The following N4BP2 variants were observed in gnomAD, a reference collection of about 807,000 sequenced individuals.
N4BP2 encodes NEDD4 binding protein 2.
In N4BP2, 91 loss-of-function variants were observed where a neutral mutation model predicts 152.8. The ratio of observed to expected loss-of-function variants is 0.60; its 90% CI spans 0.50 to 0.71. The LOEUF (loss-of-function observed/expected upper bound fraction) is 0.71, where lower values mean the gene tolerates loss of function less well. N4BP2 is among the 30% of genes least tolerant of loss of function. The probability of loss-of-function intolerance (pLI) is 0.00; values close to 1 mark genes in which losing one functional copy is unlikely to be tolerated. For missense variants in N4BP2, 1,923 were observed against 2,059.1 expected (o/e 0.93, Z 1.28); for synonymous variants, 646 against 705.3 (o/e 0.92, Z 1.33).
chr4:40,113,535 CT>C, intron 7 of N4BP2, 27 bp downstream of exon 7: 1 of 1,503,996 alleles, frequency 6.6e-7, no homozygotes, highest in Non-Finnish European at 9.2e-7. Context: ...ACCTAACATG[CT>C]TTTTATGTAA....
intron 1 of N4BP2, among the ~76,000 whole-genome samples, chr4:40,068,134 T>C (rs1711743407): frequency 6.6e-6 from 1 of 152,266 alleles, no homozygotes. Flanking sequence ...GAAACATTTG[T>C]GCAAGTCCTT....
chr4:40,082,110 C>A (rs1395982536), intron 2 of N4BP2, among the ~76,000 whole-genome samples: 1 of 150,916 alleles, frequency 6.6e-6, no homozygotes, highest in Non-Finnish European at 1.5e-5. Flanking sequence ...AACTCCATCT[C>A]AAAAAAAATA....
Position 40,154,765 on chromosome 4 carries a change from A to C in N4BP2, c.*528A>C, listed in dbSNP as rs779638658. On this transcript the variant is annotated 3_prime_UTR_variant, in exon 18 of 18. Coordinates refer to ENST00000261435, the MANE Select transcript of N4BP2 (RefSeq NM_018177.6). ...AAATGCTTTTATTTTGCCATATCCTACAGGAAGGAAGACATGCTTTTGCCC... is the reference window on the plus strand; with the variant it reads ...AAATGCTTTTATTTTGCCATATCCTCCAGGAAGGAAGACATGCTTTTGCCC... The C allele has an allele frequency of 2.0e-5, 3 of 153,144 alleles. No homozygotes were observed. Among genetic ancestry groups the C allele is most frequent in the Non-Finnish European group, 2.9e-5 (2 of 68,796 alleles). The allele number at this position is 153,144 out of a possible 1,614,324, so 9.5% of individuals were successfully genotyped here.
intron 2 of N4BP2, among the ~76,000 whole-genome samples, chr4:40,087,068 T>G (rs1422931844): frequency 6.6e-6 from 1 of 152,194 alleles, no homozygotes; most frequent in Non-Finnish European, 1.5e-5. Context: ...TTTTTGCTAC[T>G]GATTTCTAGT....
chr4:40,095,316 G>A (rs1234300732), intron 2 of N4BP2, among the ~76,000 whole-genome samples: 1 of 152,162 alleles, frequency 6.6e-6, no homozygotes. Flanking sequence ...CCTGACCTCA[G>A]GTGATCCACC....
rs781149055 is a variant in N4BP2 at position 40,120,294 on chromosome 4, G to T, written c.2183G>T (p.Cys728Phe). The change falls in exon 9 of 18, where the codon TGC (cysteine) becomes TTC (phenylalanine). Residue 728 changes from cysteine to phenylalanine, a missense_variant. Physicochemically the swap from Cys to Phe is radical, Grantham distance 205 (BLOSUM62 -2). Transcript: ENST00000261435. ...SSMERVSPST[C>F]CSENNQEDCD... ...ATGGAGAGAGTATCACCTAGTACTT[G>T]CTGTAGTGAAAATAATCAAGAAGAC... is the stretch of plus-strand genomic sequence containing the variant. 6.2e-7 allele frequency: 1 copy of T among 1,612,972 alleles called. No individual in the cohort carries two copies. The highest frequency in any genetic ancestry group is 1.7e-5 in the Admixed American group (1 of 59,618).
At chr4:40,096,635 A>C (rs1472802707) in intron 2 of N4BP2, among the ~76,000 whole-genome samples, 4 of 152,198 alleles carry the variant, frequency 2.6e-5, no homozygotes, top group African/African-American at 9.6e-5. Flanking sequence ...GGTGGAAACC[A>C]AGAGATAGGA....
At chr4:40,072,590 G>A (rs948593897) in intron 1 of N4BP2, among the ~76,000 whole-genome samples, 3 of 151,690 alleles carry the variant, frequency 2.0e-5, no homozygotes, top group South Asian at 2.1e-4. Context: ...GTTTCATCAC[G>A]TTGCCCTGGC....
chr4:40,185,955 C>T, the N4BP2 span, among the ~76,000 whole-genome samples: 3 of 152,192 alleles, frequency 2.0e-5, no homozygotes, highest in Non-Finnish European at 1.5e-5. Context: ...TTTTTGAGCA[C>T]AGACACTGAA....
chr4:40,163,451 T>C, the N4BP2 span, among the ~76,000 whole-genome samples: 1 of 152,216 alleles, frequency 6.6e-6, no homozygotes, highest in African/African-American at 2.4e-5. Context: ...GGCAATGCCA[T>C]TTCCCCTTGC....
chr4:40,073,497 A>G lies in N4BP2; in HGVS notation c.-169A>G, dbSNP rs1221691158. 2.6e-5 allele frequency: 4 copies of G among 152,300 alleles called. No homozygotes were observed. Among genetic ancestry groups the G allele is most frequent in the South Asian group, 4.1e-4 (2 of 4,826 alleles). The allele number at this position is 152,300 out of a possible 1,614,324, so 9.4% of individuals were successfully genotyped here. A position where few individuals can be genotyped will look rare whatever the true frequency, so the allele number is the denominator to read the frequency against. On this transcript the variant is annotated 5_prime_UTR_variant, in exon 2 of 18. Coordinates refer to ENST00000261435, the MANE Select transcript of N4BP2 (RefSeq NM_018177.6). ...TAACAAGAAGAGGTGTAGAGTTTGC[A>G]TATATCAACTGTGGCCTTAATGAGC...
chr4:40,147,329 C>T (rs1200214154), intron 16 of N4BP2, among the ~76,000 whole-genome samples: 2 of 152,250 alleles, frequency 1.3e-5, no homozygotes, highest in East Asian at 1.9e-4. Context: ...ACAGACACAG[C>T]GACCATCCGA....
In N4BP2 at chr4:40,135,179, A is replaced by G. The variant is rs555216998; in HGVS notation, c.4647-1765A>G. On this transcript the variant is annotated intron_variant, in intron 13 of 17. Transcript: ENST00000261435. The stretch of plus-strand genomic sequence containing the variant: ...TGTTCTTATTGTTCAATTCCCACCT[A>G]TGAGTGAGAATATACGGTGTTTGGT... 2.4e-3 allele frequency among the ~76,000 whole-genome samples: 354 copies of G among 144,906 alleles called. 1 individual carries two copies. The highest frequency in any genetic ancestry group is 8.3e-3 in the African/African-American group (326 of 39,252).
In N4BP2 at chr4:40,097,220, AT is replaced by A; in HGVS notation, c.-114-3del. On this transcript the variant is annotated splice_region_variant and splice_polypyrimidine_tract_variant and intron_variant, in intron 2 of 17. Transcript: ENST00000261435. ...GTCTGAGTGTTTTTAATTGCTTTCT[AT>A]TTTAGGTCTTTTTACTGCTGGATTG... 1 of 743,628 alleles carries A rather than the reference AT, an allele frequency of 1.3e-6. No homozygotes were observed. The highest frequency in any genetic ancestry group is 1.8e-5 in the South Asian group (1 of 56,886). 46.1% of individuals were successfully genotyped at this position (743,628 alleles called of 1,614,324 possible). A position where few individuals can be genotyped will look rare whatever the true frequency, so the allele number is the denominator to read the frequency against.
Position 40,120,656 on chromosome 4 carries a change from G to A in N4BP2, c.2545G>A (p.Glu849Lys), listed in dbSNP as rs373204382. 29 of 1,614,038 alleles carry A rather than the reference G, an allele frequency of 1.8e-5. No homozygotes were observed. In the African/African-American group the frequency reaches 3.2e-4, roughly 18 times the overall value. Residue 849 changes from glutamate (E) to lysine (K), a missense_variant, in exon 9 of 18, where the codon GAG becomes AAG. Glu to Lys is a moderately conservative substitution (Grantham distance 56, BLOSUM62 1). Transcript: ENST00000261435. Reference protein sequence around the residue: ...QQRGSPHESVEDGRKSQCDDA... With the variant: ...QQRGSPHESVKDGRKSQCDDA... The stretch of plus-strand genomic sequence containing the variant: ...ACGAGGATCTCCACATGAAAGTGTA[G>A]AGGATGGCAGAAAGTCACAGTGTGA...
chr4:40,097,061 T>C (rs1375934054), intron 2 of N4BP2, among the ~76,000 whole-genome samples, 166 bp from the exon 3 acceptor site: 1 of 152,198 alleles, frequency 6.6e-6, no homozygotes, highest in Non-Finnish European at 1.5e-5. Context: ...TTTAACATGT[T>C]CAATCCTGGC....
intron 2 of N4BP2, chr4:40,082,995 C>T (rs1046291611): frequency 2.0e-5 from 5 of 245,182 alleles, no homozygotes; most frequent in Middle Eastern, 1.5e-3. Flanking sequence ...CCACCGCACC[C>T]GGCCGGGCTG....
intron 2 of N4BP2, chr4:40,077,963 G>T (rs138929353): frequency 6.6e-6 from 1 of 152,078 alleles, no homozygotes; most frequent in Non-Finnish European, 1.5e-5. Context: ...ACGCAGATTC[G>T]TGAAGTGTTC....
chr4:40,099,844 G>A (rs368814959), intron 3 of N4BP2, among the ~76,000 whole-genome samples: 22 of 151,608 alleles, frequency 1.5e-4, no homozygotes, highest in African/African-American at 5.3e-4. Flanking sequence ...TGGTTTTACT[G>A]TCATGTAGAT....
Sources: gnomAD v4.1 joint callset for allele counts (sites outside exome capture counted in the v4.1 genomes callset) on GRCh38, gnomAD v4.1.1 for gene constraint, MANE v1.5 for transcripts, NCBI Gene and HGNC (gene_info 2026-07-23, HGNC 2026-07-21) for gene names.